SORT1: variants seen among roughly 807,000 people sequenced by gnomAD.
SORT1 encodes the protein sortilin 1.
In SORT1, 39 loss-of-function variants were observed where a neutral mutation model predicts 101.7. That is an observed-to-expected ratio of 0.38 (90% CI 0.30 to 0.50). SORT1 has a LOEUF of 0.50. SORT1 is among the 20% of genes least tolerant of loss of function. The probability of loss-of-function intolerance (pLI) is 0.90; values close to 1 mark genes in which losing one functional copy is unlikely to be tolerated. For synonymous variants in SORT1, 396 were observed against 393.7 expected, an observed-to-expected ratio of 1.01 and a Z score of -0.07; for missense variants, 878 against 1,040.4, an observed-to-expected ratio of 0.84 and a Z score of 2.15.
chr1:109,317,099 CA>C (rs1647270350), intron 16 of SORT1, 141 bp from the exon 17 acceptor site: 2 of 618,126 alleles, frequency 3.2e-6, no homozygotes, highest in South Asian at 4.0e-5. Flanking sequence ...GGAATGTCCA[CA>C]GGGATGTTTT....
intron 3 of SORT1, among the ~76,000 whole-genome samples, chr1:109,362,410 G>A (rs1412642729): frequency 6.6e-6 from 1 of 152,172 alleles, no homozygotes; most frequent in African/African-American, 2.4e-5. Context: ...GGAGAATGTA[G>A]TTTATTAAAA....
At chr1:109,389,681 C>T (rs1354849138) in intron 1 of SORT1, 2 of 152,266 alleles carry the variant, frequency 1.3e-5, no homozygotes, top group African/African-American at 4.8e-5. Flanking sequence ...CTTCCTCATG[C>T]CTTGGCTCAC....
chr1:109,325,688 T>C (rs1010234465), intron 13 of SORT1, among the ~76,000 whole-genome samples: 4 of 152,012 alleles, frequency 2.6e-5, no homozygotes, highest in Admixed American at 1.3e-4. Context: ...AATTAATAAA[T>C]TTAAGGCTGG....
intron 11 of SORT1, among the ~76,000 whole-genome samples, chr1:109,330,157 C>A (rs895777465): frequency 1.3e-5 from 2 of 152,134 alleles, no homozygotes; most frequent in Non-Finnish European, 2.9e-5. Context: ...CCCGCTGCCA[C>A]GCCCAGCTAT....
chr1:109,391,725 G>A (rs1286191190), intron 1 of SORT1, among the ~76,000 whole-genome samples: 2 of 152,130 alleles, frequency 1.3e-5, no homozygotes, highest in Non-Finnish European at 2.9e-5. Flanking sequence ...ACCCAACTTT[G>A]ACTGCAGTCA....
intron 1 of SORT1, among the ~76,000 whole-genome samples, chr1:109,377,320 T>G (rs774596996): frequency 3.9e-5 from 6 of 152,228 alleles, no homozygotes; most frequent in Non-Finnish European, 8.8e-5. Context: ...CACAAACATC[T>G]CTGTAAAAGT....
At chr1:109,331,509 G>A (rs1648450414) in intron 11 of SORT1, among the ~76,000 whole-genome samples, 1 of 151,134 alleles carries the variant, frequency 6.6e-6, no homozygotes. Context: ...CAATAAATTA[G>A]GTATAAAAGG....
chr1:109,347,219 G>T (rs144226938), intron 7 of SORT1, among the ~76,000 whole-genome samples: 1 of 152,274 alleles, frequency 6.6e-6, no homozygotes, highest in African/African-American at 2.4e-5. Flanking sequence ...ATTTGCTATT[G>T]TCTGTAGCAT....
chr1:109,387,770 G>A lies in SORT1; in HGVS notation c.306+9817C>T, dbSNP rs192785538. Among the ~76,000 whole-genome samples, 9 of 152,198 alleles carry A rather than the reference G, an allele frequency of 5.9e-5. No individual in the cohort carries two copies. The East Asian group carries it at 1.7e-3, about 29-fold the overall frequency. On this transcript the variant is annotated intron_variant, in intron 1 of 19. Transcript: ENST00000256637. ...GTTTAAGACCAGCCTGGCCAAGATGGTGAAACCCCATCTCTACTAAAAATA... is the reference window on the plus strand; with the variant it reads ...GTTTAAGACCAGCCTGGCCAAGATGATGAAACCCCATCTCTACTAAAAATA...
At chr1:109,369,318 G>A (rs1024740221) in intron 2 of SORT1, among the ~76,000 whole-genome samples, 6 of 152,020 alleles carry the variant, frequency 3.9e-5, no homozygotes, top group East Asian at 1.9e-4. Flanking sequence ...GCGAAACTCC[G>A]TCCCCACCCC....
chr1:109,393,292 T>TA (rs1408319934), intron 1 of SORT1: 1 of 985,138 alleles, frequency 1.0e-6, no homozygotes, highest in African/African-American at 1.7e-5. Flanking sequence ...CAGAAGTAGT[T>TA]AGTGACAGGA....
chr1:109,337,379 T>C (rs1648902948), intron 10 of SORT1, among the ~76,000 whole-genome samples: 1 of 151,824 alleles, frequency 6.6e-6, no homozygotes, highest in African/African-American at 2.4e-5. Flanking sequence ...CTGGAGTAGA[T>C]GGGATTACAG....
Position 109,324,894 on chromosome 1 carries a change from C to T in SORT1, c.1834+5G>A. ...CTGGTAGAAAAGGTCAAAGGAGACA[C>T]TCACAGTTCCTTTCAAGGATATCTT... is the stretch of plus-strand genomic sequence containing the variant. On this transcript the variant is annotated splice_donor_5th_base_variant and intron_variant, in intron 14 of 19. Transcript: ENST00000256637. 1 of 1,581,282 alleles carries T rather than the reference C, an allele frequency of 6.3e-7. No individual in the cohort carries two copies. Among genetic ancestry groups the T allele is most frequent in the Non-Finnish European group, 8.7e-7 (1 of 1,155,584 alleles).
intron 13 of SORT1, 142 bp from the exon 14 acceptor site, chr1:109,325,231 C>CTTTTTTTTTTTTTTTTTT (rs35552184): frequency 5.5e-6 from 1 of 183,352 alleles, no homozygotes; most frequent in Non-Finnish European, 9.5e-6. Flanking sequence ...ATTATTTTAA[C>CTTTTTTTTTTTTTTTTTT]TTTTTTTTTT....
chr1:109,378,292 G>A (rs1052842494), intron 1 of SORT1, among the ~76,000 whole-genome samples: 1 of 151,998 alleles, frequency 6.6e-6, no homozygotes, highest in African/African-American at 2.4e-5. Context: ...GAAAGTTAAG[G>A]TTGAAATAGA....
At chr1:109,353,244 C>T (rs1398469680) in intron 5 of SORT1, among the ~76,000 whole-genome samples, 2 of 148,696 alleles carry the variant, frequency 1.3e-5, no homozygotes, top group African/African-American at 5.0e-5. Context: ...AGGAGAAGCA[C>T]TTGTACCCGG....
chr1:109,361,973 G>A (rs1650748912), intron 3 of SORT1, among the ~76,000 whole-genome samples: 1 of 152,040 alleles, frequency 6.6e-6, no homozygotes, highest in African/African-American at 2.4e-5. Context: ...GCAAGTTTAT[G>A]CTTTTTTTGG....
At chr1:109,374,499 G>A (rs756435820) in intron 1 of SORT1, among the ~76,000 whole-genome samples, 12 of 152,038 alleles carry the variant, frequency 7.9e-5, no homozygotes, top group Admixed American at 2.0e-4. Flanking sequence ...GCTGAGGGAG[G>A]AGAATCACTT....
intron 11 of SORT1, among the ~76,000 whole-genome samples, chr1:109,333,568 C>T (rs1648599990): frequency 6.6e-6 from 1 of 151,974 alleles, no homozygotes; most frequent in Non-Finnish European, 1.5e-5. Flanking sequence ...AACAAATAAT[C>T]CAACTAAAAA....
Sources: allele counts gnomAD v4.1 joint callset (sites outside exome capture counted in the v4.1 genomes callset), GRCh38; gene constraint gnomAD v4.1.1; transcripts MANE v1.5; gene names NCBI Gene and HGNC (gene_info 2026-07-23, HGNC 2026-07-21).